ARHGEF12: variants seen among roughly 807,000 people sequenced by gnomAD.
ARHGEF12 encodes Rho guanine nucleotide exchange factor 12.
ARHGEF12 carries 66 observed loss-of-function variants against 211.2 expected under a neutral mutation model. The observed-to-expected ratio is 0.31, with a 90% CI of 0.26 to 0.38. The LOEUF is 0.38. ARHGEF12 is among the 10% of genes least tolerant of loss of function. ARHGEF12 has a pLI of 1.00. For missense variants in ARHGEF12, 1,429 were observed against 1,869.5 expected (o/e 0.76, Z 4.34); for synonymous variants, 592 against 638.4 (o/e 0.93, Z 1.09).
In ARHGEF12 at chr11:120,458,126, T is replaced by G. The variant is rs755690603; in HGVS notation, c.2272T>G (p.Phe758Val). ...FGESQSEDEQ[F>V]ENDLETDPPN... is the part of the protein sequence containing the mutation. ...AGAAAGTCAAAGTGAGGATGAACAATTTGAAAATGACTTAGAGACAGATCC... is the reference window on the plus strand; with the variant it reads ...AGAAAGTCAAAGTGAGGATGAACAAGTTGAAAATGACTTAGAGACAGATCC... Residue 758 changes from phenylalanine to valine, a missense_variant, in exon 25 of 41, where the codon TTT (phenylalanine) becomes GTT (valine). Transcript: ENST00000397843. The G allele has an allele frequency of 1.2e-6, 2 of 1,608,898 alleles. No individual in the cohort carries two copies. The highest frequency in any genetic ancestry group is 2.2e-5 in the South Asian group (2 of 89,324).
chr11:120,406,749 G>A (rs991201612), intron 2 of ARHGEF12, among the ~76,000 whole-genome samples: 4 of 151,976 alleles, frequency 2.6e-5, no homozygotes, highest in South Asian at 2.1e-4. Context: ...TAGTAGAGAC[G>A]GAGTTTCACT....
chr11:120,476,609 C>T, intron 33 of ARHGEF12, 52 bp from the exon 34 acceptor site: 3 of 1,408,466 alleles, frequency 2.1e-6, no homozygotes, highest in African/African-American at 1.4e-5. Context: ...AAACATCCCT[C>T]ATGGCCTCCC....
At chr11:120,405,647 G>A (rs554760338) in intron 1 of ARHGEF12, among the ~76,000 whole-genome samples, 2 of 152,236 alleles carry the variant, frequency 1.3e-5, no homozygotes, top group Middle Eastern at 3.4e-3. Flanking sequence ...GTGAAGTGAT[G>A]GGAAGGAAGG....
At chr11:120,395,606 G>A (rs1346039844) in intron 1 of ARHGEF12, among the ~76,000 whole-genome samples, 1 of 152,102 alleles carries the variant, frequency 6.6e-6, no homozygotes, top group Non-Finnish European at 1.5e-5. Context: ...ACATGGCTTG[G>A]GAGGCCTCAC....
At chr11:120,347,120 T>C (rs1467135148) in intron 1 of ARHGEF12, among the ~76,000 whole-genome samples, 1 of 145,782 alleles carries the variant, frequency 6.9e-6, no homozygotes, top group Non-Finnish European at 1.5e-5. Flanking sequence ...AGCCTCTCCC[T>C]TTCTTTCTTT....
chr11:120,386,805 C>T (rs571650413), intron 1 of ARHGEF12, among the ~76,000 whole-genome samples: 1 of 152,136 alleles, frequency 6.6e-6, no homozygotes, highest in Non-Finnish European at 1.5e-5. Context: ...AACAAGCAAA[C>T]AAAAATTGTC....
chr11:120,412,333 G>C (rs1198078046), intron 4 of ARHGEF12, among the ~76,000 whole-genome samples: 1 of 152,174 alleles, frequency 6.6e-6, no homozygotes. Flanking sequence ...AGCTGTCTTA[G>C]TGTGTTCAGG....
In ARHGEF12 at chr11:120,431,795, A is replaced by C. The variant is rs201353944; in HGVS notation, c.808A>C (p.Arg270=). 3,059 of 1,612,418 alleles carry C rather than the reference A, an allele frequency of 1.9e-3. 5 individuals are homozygous for C. The highest frequency in any genetic ancestry group is 2.4e-3 in the Non-Finnish European group (2,858 of 1,179,344). ...GGATGGAGCTGTAGTTACACCCTCC[A>C]GACCTTTAGGGGACACCCTAACAGT... ...AQDGAVVTPS[R]PLGDTLTVSE... Residue 270 remains arginine, a synonymous_variant, in exon 11 of 41, where the codon AGA becomes CGA. Coordinates refer to ENST00000397843, the MANE Select transcript of ARHGEF12 (RefSeq NM_015313.3).
intron 1 of ARHGEF12, among the ~76,000 whole-genome samples, chr11:120,376,189 A>G (rs981627952): frequency 2.6e-5 from 4 of 151,694 alleles, no homozygotes; most frequent in Non-Finnish European, 5.9e-5. Context: ...TAAATAAATC[A>G]TCATATTGGT....
intron 1 of ARHGEF12, among the ~76,000 whole-genome samples, chr11:120,384,471 A>G (rs931612339): frequency 1.3e-5 from 2 of 152,230 alleles, no homozygotes; most frequent in Non-Finnish European, 2.9e-5. Flanking sequence ...TGCTTCAGAA[A>G]AGGAAAGTAG....
At chr11:120,337,354 C>T in intron 1 of ARHGEF12, 79 bp downstream of exon 1, 2 of 1,604,738 alleles carry the variant, frequency 1.2e-6, no homozygotes, top group Non-Finnish European at 1.7e-6. Flanking sequence ...TGCAGATTGC[C>T]TTTGGCCAGC....
chr11:120,414,718 A>G (rs1345202285), intron 4 of ARHGEF12, among the ~76,000 whole-genome samples: 3 of 152,216 alleles, frequency 2.0e-5, no homozygotes, highest in Non-Finnish European at 4.4e-5. Flanking sequence ...AAGTATTACT[A>G]GGACTAAGTC....
At chr11:120,458,378 C>A in intron 25 of ARHGEF12, 144 bp downstream of exon 25, 1 of 824,488 alleles carries the variant, frequency 1.2e-6, no homozygotes, top group Non-Finnish European at 1.9e-6. Context: ...GACAGATAAT[C>A]CTTGAACTCA....
chr11:120,473,477 A>T (rs775260700), intron 31 of ARHGEF12, among the ~76,000 whole-genome samples: 12 of 152,190 alleles, frequency 7.9e-5, no homozygotes, highest in Non-Finnish European at 1.0e-4. Context: ...GTCTTGGCTC[A>T]CTGAAGCCTT....
At chr11:120,362,960 C>T (rs979236275) in intron 1 of ARHGEF12, among the ~76,000 whole-genome samples, 40 of 152,176 alleles carry the variant, frequency 2.6e-4, no homozygotes, top group Non-Finnish European at 5.0e-4. Flanking sequence ...ATTAGCCGGG[C>T]GTGGTGGCAG....
intron 1 of ARHGEF12, among the ~76,000 whole-genome samples, chr11:120,352,182 A>AT (rs200119961): frequency 0.017 from 2,569 of 152,036 alleles, 81 homozygotes; most frequent in African/African-American, 0.06. Context: ...GACATGAGGG[A>AT]TTTTGTCTCA....
chr11:120,429,091 G>A (rs1222540119), intron 8 of ARHGEF12, among the ~76,000 whole-genome samples: 1 of 152,168 alleles, frequency 6.6e-6, no homozygotes, highest in Non-Finnish European at 1.5e-5. Flanking sequence ...TTTCAGGTAA[G>A]AGGTACTGGG....
intron 1 of ARHGEF12, among the ~76,000 whole-genome samples, chr11:120,395,502 T>TA (rs1944355501): frequency 6.6e-6 from 1 of 152,178 alleles, no homozygotes; most frequent in Non-Finnish European, 1.5e-5. Flanking sequence ...GAATTATAGA[T>TA]ATGTTGTATT....
intron 1 of ARHGEF12, among the ~76,000 whole-genome samples, chr11:120,374,496 C>G (rs1279149712): frequency 1.3e-5 from 2 of 152,162 alleles, no homozygotes; most frequent in African/African-American, 2.4e-5. Flanking sequence ...CTTCATTGAG[C>G]TACTGAGCTC....
Sources: allele counts gnomAD v4.1 joint callset (sites outside exome capture counted in the v4.1 genomes callset), GRCh38; gene constraint gnomAD v4.1.1; transcripts MANE v1.5; gene names NCBI Gene and HGNC (gene_info 2026-07-23, HGNC 2026-07-21).